The following TM2D1 variants were observed in gnomAD, a reference collection of about 807,000 sequenced individuals.
TM2D1 encodes TM2 domain containing 1, also known as TM2 domain-containing protein 1.
A neutral mutation model predicts 28.4 loss-of-function variants in TM2D1; 15 were observed. The ratio of observed to expected loss-of-function variants is 0.53; its 90% CI spans 0.35 to 0.81. TM2D1 has a LOEUF of 0.81. Ranked by LOEUF, TM2D1 falls within the 40% of genes least tolerant of loss-of-function variation. TM2D1 has a pLI of 0.01. For synonymous variants in TM2D1, 93 were observed against 96.2 expected (o/e 0.97, Z 0.20); for missense variants, 236 against 254.9 (o/e 0.93, Z 0.50).
chr1:61,717,755 T>G (rs975252879), intron 2 of TM2D1, among the ~76,000 whole-genome samples: 1 of 152,038 alleles, frequency 6.6e-6, no homozygotes, highest in African/African-American at 2.4e-5. Flanking sequence ...AAACCAGTGA[T>G]GTTTTTCAAA....
At chr1:61,694,165 G>C (rs764059045) in intron 5 of TM2D1, 1 of 151,706 alleles carries the variant, frequency 6.6e-6, no homozygotes, top group African/African-American at 2.4e-5. Flanking sequence ...GCTTAAGCTA[G>C]CTGGATTTCA....
Position 61,709,389 on chromosome 1 carries a change from T to C in TM2D1, c.287A>G (p.Asn96Ser), listed in dbSNP as rs769019201. The C allele has an allele frequency of 6.2e-7, 1 of 1,613,332 alleles. No individual in the cohort carries two copies. Among genetic ancestry groups the C allele is most frequent in the Admixed American group, 1.7e-5 (1 of 59,994 alleles). The change falls in exon 3 of 7, where the codon AAT (asparagine) becomes AGT (serine). Residue 96 changes from asparagine (N) to serine (S), a missense_variant. By Grantham distance (46) the Asn-to-Ser change is conservative. Around this residue, in one of 3 missense-constraint regions of TM2D1, gnomAD observed 167 missense variants for 162.7 expected, o/e 1.03. Transcript: ENST00000606498. ...TTCGTTCCCAGTAAAATGTGTTTCA[T>C]TGCCACTGGAATCCTTACAAGTTAT... The part of the protein sequence containing the change: ...PNITCKDSSG[N>S]ETHFTGNEVG...
intron 2 of TM2D1, among the ~76,000 whole-genome samples, chr1:61,714,221 G>A (rs1644500822): frequency 6.7e-6 from 1 of 149,322 alleles, no homozygotes; most frequent in African/African-American, 2.4e-5. Context: ...TAGGTGAGTT[G>A]AAAATGCCTG....
intron 3 of TM2D1, among the ~76,000 whole-genome samples, chr1:61,701,490 G>A (rs923397455): frequency 2.0e-5 from 3 of 151,742 alleles, no homozygotes; most frequent in Non-Finnish European, 4.4e-5. Context: ...AGGCAAAAAA[G>A]ACAGCCAGAA....
intron 2 of TM2D1, among the ~76,000 whole-genome samples, chr1:61,723,495 G>A (rs1262597226): frequency 6.6e-6 from 1 of 152,016 alleles, no homozygotes; most frequent in Non-Finnish European, 1.5e-5. Context: ...TTGTTTATAT[G>A]GTGAAATTTC....
At chr1:61,710,501 C>CAT (rs1463321891) in intron 2 of TM2D1, among the ~76,000 whole-genome samples, 4 of 94,888 alleles carry the variant, frequency 4.2e-5, no homozygotes, top group Admixed American at 2.5e-4. Flanking sequence ...CATATACACA[C>CAT]ATACACACAC....
intron 2 of TM2D1, among the ~76,000 whole-genome samples, chr1:61,713,665 T>A (rs916553201): frequency 8.5e-5 from 13 of 152,092 alleles, no homozygotes; most frequent in Non-Finnish European, 1.5e-4. Context: ...GTATCTACCT[T>A]GCACTTGCTT....
intron 2 of TM2D1, among the ~76,000 whole-genome samples, chr1:61,713,111 A>G (rs1644490179): frequency 1.3e-5 from 2 of 150,698 alleles, no homozygotes; most frequent in Admixed American, 1.3e-4. Flanking sequence ...CAGAGGTTGT[A>G]GTGAGTTGAG....
intron 2 of TM2D1, among the ~76,000 whole-genome samples, chr1:61,712,799 C>G (rs1226084681): frequency 6.6e-6 from 1 of 152,224 alleles, no homozygotes; most frequent in Non-Finnish European, 1.5e-5. Context: ...TCACAGCCAT[C>G]ATGATCCACT....
intron 2 of TM2D1, among the ~76,000 whole-genome samples, chr1:61,720,328 G>A (rs1644554569): frequency 2.0e-5 from 3 of 151,622 alleles, no homozygotes; most frequent in Middle Eastern, 3.4e-3. Flanking sequence ...TGCAACCTCC[G>A]CCTCCCAGGT....
At chr1:61,682,892 CAA>C (rs66468339) in intron 6 of TM2D1, among the ~76,000 whole-genome samples, 18 of 60,642 alleles carry the variant, frequency 3.0e-4, no homozygotes, top group Admixed American at 8.1e-4. Context: ...GACTCTGTCT[CAA>C]AAAAAAAAAA....
intron 1 of TM2D1, 140 bp downstream of exon 1, chr1:61,724,817 G>A: frequency 2.1e-6 from 2 of 955,050 alleles, no homozygotes; most frequent in Non-Finnish European, 2.9e-6. Context: ...TCACCTTCAG[G>A]GATCCTTCAG....
At chr1:61,721,106 C>G (rs909933645) in intron 2 of TM2D1, among the ~76,000 whole-genome samples, 1 of 152,040 alleles carries the variant, frequency 6.6e-6, no homozygotes, top group Non-Finnish European at 1.5e-5. Context: ...TGGCATGTAC[C>G]TGTAGTCCCA....
chr1:61,705,760 C>T (rs185924647), intron 3 of TM2D1, among the ~76,000 whole-genome samples: 3 of 152,204 alleles, frequency 2.0e-5, no homozygotes, highest in Admixed American at 2.0e-4. Flanking sequence ...TATGGCCTCA[C>T]CACCACCACC....
intron 4 of TM2D1, chr1:61,700,412 A>G: frequency 8.7e-7 from 1 of 1,145,184 alleles, no homozygotes; most frequent in Non-Finnish European, 1.1e-6. Context: ...TAACTATAGT[A>G]AATGTGATTA....
intron 2 of TM2D1, among the ~76,000 whole-genome samples, chr1:61,715,090 C>A (rs1424645525): frequency 2.0e-5 from 3 of 152,076 alleles, no homozygotes; most frequent in Non-Finnish European, 4.4e-5. Context: ...ATTTGAGCTA[C>A]TTATTTCAAG....
intron 5 of TM2D1, among the ~76,000 whole-genome samples, chr1:61,687,748 T>G (rs1285572667): frequency 2.6e-5 from 4 of 152,144 alleles, no homozygotes; most frequent in Non-Finnish European, 2.9e-5. Context: ...GCTTTCTCTA[T>G]CTAAAAGACT....
chr1:61,696,120 A>G (rs1644360899), intron 4 of TM2D1: 2 of 152,228 alleles, frequency 1.3e-5, no homozygotes, highest in African/African-American at 4.8e-5. Flanking sequence ...TTAGTTGCCC[A>G]AAGAAAATTG....
chr1:61,705,409 C>T (rs1644433458), intron 3 of TM2D1, among the ~76,000 whole-genome samples: 1 of 152,130 alleles, frequency 6.6e-6, no homozygotes, highest in Admixed American at 6.6e-5. Context: ...TGGTCTTGAA[C>T]TCCTGACCTC....
Sources: allele counts gnomAD v4.1 joint callset (sites outside exome capture counted in the v4.1 genomes callset), GRCh38; gene constraint gnomAD v4.1.1; regional missense constraint gnomAD v4.1.1; transcripts MANE v1.5; gene names NCBI Gene and HGNC (gene_info 2026-07-23, HGNC 2026-07-21).